Variants in HDAC4 observed in about 807,000 individuals in gnomAD.
HDAC4 encodes the protein histone deacetylase A.
Under a neutral mutation model 135.1 loss-of-function variants are expected in HDAC4, and 16 were observed. That is an observed-to-expected ratio of 0.12 (90% CI 0.08 to 0.18). HDAC4 has a LOEUF of 0.18. HDAC4 is among the 10% of genes least tolerant of loss of function. The pLI is 1.00. For missense variants in HDAC4, 1,143 were observed against 1,511.8 expected, an observed-to-expected ratio of 0.76 and a Z score of 4.05; for synonymous variants, 685 against 653.4, an observed-to-expected ratio of 1.05 and a Z score of -0.74.
chr2:239,397,255 G>A (rs1696622807), intron 1 of HDAC4, among the ~76,000 whole-genome samples: 1 of 152,220 alleles, frequency 6.6e-6, no homozygotes, highest in Non-Finnish European at 1.5e-5. Context: ...GCAGGGGGTG[G>A]CACATGGTCC....
intron 1 of HDAC4, among the ~76,000 whole-genome samples, chr2:239,377,341 A>C (rs1695083474): frequency 6.6e-6 from 1 of 152,234 alleles, no homozygotes; most frequent in East Asian, 1.9e-4. Flanking sequence ...GGAGGCCCCA[A>C]AATGTCCAGG....
chr2:239,156,506 G>T, intron 7 of HDAC4, 146 bp downstream of exon 7: 4 of 961,988 alleles, frequency 4.2e-6, no homozygotes, highest in Non-Finnish European at 6.5e-6. Context: ...TTTTAAAAAC[G>T]ATGCTCTATG....
At chr2:239,175,510 C>T (rs1471172775) in intron 5 of HDAC4, among the ~76,000 whole-genome samples, 1 of 152,186 alleles carries the variant, frequency 6.6e-6, no homozygotes, top group African/African-American at 2.4e-5. Flanking sequence ...ATACAGTGTT[C>T]TCCTGGATAG....
chr2:239,348,835 A>G (rs947523950), intron 2 of HDAC4, among the ~76,000 whole-genome samples: 4 of 152,236 alleles, frequency 2.6e-5, no homozygotes, highest in Admixed American at 2.0e-4. Context: ...CTTTAGAGCA[A>G]TAAAATCCCA....
chr2:239,240,322 C>T lies in HDAC4; in HGVS notation c.23-3658G>A, dbSNP rs1358720353. ...GTACACAGCCAGCTGGAACGCATGA[C>T]GGCATCCGTGAATGTGCACAGAATA... On this transcript the variant is annotated intron_variant, in intron 2 of 26. Transcript: ENST00000543185. The surrounding 1 kb of genome is among the most constrained non-coding windows in gnomAD (Gnocchi z 4.5). Among the ~76,000 whole-genome samples, 2 of 152,362 alleles carry T rather than the reference C, an allele frequency of 1.3e-5. No individual in the cohort carries two copies. Among genetic ancestry groups the T allele is most frequent in the East Asian group, 1.9e-4 (1 of 5,190 alleles).
intron 2 of HDAC4, among the ~76,000 whole-genome samples, chr2:239,328,754 G>A (rs142948930): frequency 2.8e-4 from 42 of 152,278 alleles, no homozygotes; most frequent in Non-Finnish European, 5.0e-4. Context: ...CTGACCTCTC[G>A]GGCGCCCGCT....
chr2:239,271,633 C>T (rs57251602), intron 2 of HDAC4, among the ~76,000 whole-genome samples: 28,444 of 152,170 alleles, frequency 0.19, 3,233 homozygotes, highest in East Asian at 0.43. Flanking sequence ...TGTCGTCATC[C>T]CCATGTTACA....
intron 6 of HDAC4, among the ~76,000 whole-genome samples, chr2:239,157,303 C>G (rs2042485875): frequency 6.6e-6 from 1 of 152,158 alleles, no homozygotes; most frequent in African/African-American, 2.4e-5. Context: ...TCTCAGAAGG[C>G]ACCCATCGTC....
At chr2:239,131,543 C>T (rs1017122740) in intron 11 of HDAC4, among the ~76,000 whole-genome samples, 9 of 152,152 alleles carry the variant, frequency 5.9e-5, no homozygotes, top group Non-Finnish European at 1.0e-4. Context: ...AGGGGGCAGA[C>T]GAACCACACC....
chr2:239,263,319 A>C (rs2049499467), intron 2 of HDAC4, among the ~76,000 whole-genome samples: 2 of 115,806 alleles, frequency 1.7e-5, no homozygotes, highest in African/African-American at 3.6e-5. Flanking sequence ...CACCCTGAGG[A>C]CCCCCGCCCA....
intron 21 of HDAC4, 107 bp downstream of exon 21, chr2:239,081,995 G>T: frequency 8.2e-7 from 1 of 1,212,626 alleles, no homozygotes; most frequent in Non-Finnish European, 1.2e-6. Context: ...GAGCACGAAG[G>T]CCGCACTCAC....
intron 4 of HDAC4, chr2:239,186,620 G>A (rs1376321345): frequency 1.3e-5 from 2 of 152,258 alleles, no homozygotes; most frequent in Non-Finnish European, 2.9e-5. Context: ...GTGATGGGGT[G>A]GGCTTTCCCA....
intron 3 of HDAC4, among the ~76,000 whole-genome samples, chr2:239,204,485 C>T (rs887390722): frequency 4.7e-4 from 71 of 152,172 alleles, no homozygotes; most frequent in African/African-American, 1.6e-3. Flanking sequence ...CTGCGATGGG[C>T]CCAGGGAAAT....
intron 2 of HDAC4, among the ~76,000 whole-genome samples, chr2:239,276,233 G>A (rs2050354513): frequency 6.6e-6 from 1 of 152,240 alleles, no homozygotes; most frequent in African/African-American, 2.4e-5. Flanking sequence ...GGCAGGGAGA[G>A]GCCCCGAACC....
chr2:239,256,837 C>T (rs143850281), intron 2 of HDAC4, among the ~76,000 whole-genome samples: 23 of 152,272 alleles, frequency 1.5e-4, no homozygotes, highest in African/African-American at 4.8e-4. Context: ...TACCTGGAAA[C>T]AGTTTGACCT....
chr2:239,191,417 G>A (rs955040708), intron 3 of HDAC4, among the ~76,000 whole-genome samples: 7 of 152,196 alleles, frequency 4.6e-5, no homozygotes, highest in South Asian at 2.1e-4. Flanking sequence ...CAAAGCCACC[G>A]ATTTGGGTGA....
At chr2:239,241,217 TAAAG>T (rs1197194879) in intron 2 of HDAC4, among the ~76,000 whole-genome samples, 2 of 151,844 alleles carry the variant, frequency 1.3e-5, no homozygotes, top group East Asian at 3.9e-4. Flanking sequence ...CTTGAGCCAA[TAAAG>T]AAAGTACATG....
intron 2 of HDAC4, among the ~76,000 whole-genome samples, chr2:239,323,734 C>T (rs916203400): frequency 2.0e-5 from 3 of 151,954 alleles, no homozygotes; most frequent in African/African-American, 4.8e-5. Context: ...AGGAAGATGC[C>T]GGTGAGAGCT....
chr2:239,378,202 C>G (rs948932558), intron 1 of HDAC4, among the ~76,000 whole-genome samples: 4 of 152,038 alleles, frequency 2.6e-5, no homozygotes, highest in African/African-American at 9.7e-5. Flanking sequence ...CGAAGAGCAG[C>G]CCAGTGGGCA....
Sources: gnomAD v4.1 joint callset for allele counts (sites outside exome capture counted in the v4.1 genomes callset) on GRCh38, gnomAD v4.1.1 for gene constraint, Gnocchi (gnomAD v3.1) non-coding constraint, MANE v1.5 for transcripts, NCBI Gene and HGNC (gene_info 2026-07-23, HGNC 2026-07-21) for gene names.